Variants in RUNX1T1 observed in about 807,000 individuals in gnomAD.
RUNX1T1 encodes protein CBFA2T1.
RUNX1T1 carries 4 observed loss-of-function variants against 62.8 expected under a neutral mutation model. That is an observed-to-expected ratio of 0.06 (90% CI 0.03 to 0.15). RUNX1T1 has a LOEUF of 0.15. Among genes scored for constraint, RUNX1T1 ranks in the 10% least tolerant of loss-of-function variants. The pLI is 1.00. For missense variants in RUNX1T1, 508 were observed against 754.3 expected (o/e 0.67, Z 3.82); for synonymous variants, 291 against 286.0 (o/e 1.02, Z -0.18).
intron 1 of RUNX1T1, 200 bp from the exon 3 acceptor site, chr8:92,017,563 C>A: frequency 6.9e-7 from 1 of 1,449,560 alleles, no homozygotes; most frequent in Non-Finnish European, 9.0e-7. Context: ...ATGGCAGGAC[C>A]TCATTTGTAA....
intron 8 of RUNX1T1, 102 bp downstream of exon 9, chr8:91,986,022 A>G (rs1242500431): frequency 1.2e-6 from 1 of 860,236 alleles, no homozygotes; most frequent in Non-Finnish European, 2.0e-6. Flanking sequence ...TTATTGTCTT[A>G]AAATTCCTTG....
intron 1 of RUNX1T1, among the ~76,000 whole-genome samples, chr8:92,032,087 C>T (rs1826350268): frequency 8.6e-6 from 1 of 116,210 alleles, no homozygotes. Flanking sequence ...AGCGAGAATC[C>T]TGTCTCAAAA....
intron 1 of RUNX1T1, among the ~76,000 whole-genome samples, chr8:92,045,378 T>C (rs2130244564): frequency 6.6e-6 from 1 of 152,266 alleles, no homozygotes; most frequent in South Asian, 2.1e-4. Context: ...CCATGATACA[T>C]TCCCAACTGT....
rs75092091 is a variant in RUNX1T1, at chr8:92,050,717, G to T, written c.7+11829C>A. Among the ~76,000 whole-genome samples, 1,469 of 152,136 alleles carry T rather than the reference G, an allele frequency of 9.7e-3. 22 individuals are homozygous for T. The highest frequency in any genetic ancestry group is 0.034 in the African/African-American group (1,399 of 41,484). ...TAAAGGCTCATCTCATTCTTTCCAG[G>T]GTTAGTTAGTGACTACTAAGTGCAA... On this transcript the variant is annotated intron_variant, in intron 1 of 10. Transcript: ENST00000396218.
At chr8:91,991,489 A>AG in intron 6 of RUNX1T1, 150 bp downstream of exon 7, 1 of 824,406 alleles carries the variant, frequency 1.2e-6, no homozygotes. Flanking sequence ...ATACCAATCA[A>AG]GTTTTTTTCA....
intron 2 of RUNX1T1, among the ~76,000 whole-genome samples, chr8:92,016,544 G>A (rs1014827470): frequency 6.6e-6 from 1 of 152,054 alleles, no homozygotes; most frequent in Admixed American, 6.6e-5. Context: ...GCTCAGTGGC[G>A]CATGACTGTA....
intron 2 of RUNX1T1, among the ~76,000 whole-genome samples, chr8:92,073,949 C>T (rs1211557681): frequency 6.6e-6 from 1 of 152,188 alleles, no homozygotes; most frequent in Non-Finnish European, 1.5e-5. Context: ...CCTCCTGCCT[C>T]AGCCCCTCAA....
At chr8:92,067,071 C>T (rs1238688528), upstream of RUNX1T1, among the ~76,000 whole-genome samples, 2 of 152,118 alleles carry the variant, frequency 1.3e-5, no homozygotes, top group Non-Finnish European at 2.9e-5. Flanking sequence ...GACATTATTG[C>T]CATCTTAAGA....
upstream of RUNX1T1, among the ~76,000 whole-genome samples, chr8:92,067,561 TTC>T (rs1374108748): frequency 6.6e-6 from 1 of 152,266 alleles, no homozygotes; most frequent in African/African-American, 2.4e-5. Context: ...CTCTATGATA[TTC>T]TTTTTTCCAT....
chr8:91,957,501 AT>A (rs3832564), downstream of RUNX1T1: 139,583 of 230,422 alleles, frequency 0.61, 44,354 homozygotes, highest in East Asian at 0.85. Flanking sequence ...AGAGTTAGGG[AT>A]TTTTTTTTGT....
intron 1 of RUNX1T1, among the ~76,000 whole-genome samples, chr8:92,058,815 G>T (rs1160644319): frequency 6.6e-6 from 1 of 152,068 alleles, no homozygotes; most frequent in Non-Finnish European, 1.5e-5. Context: ...AACATTTCTA[G>T]GCTATATAAT....
intron 1 of RUNX1T1, among the ~76,000 whole-genome samples, chr8:92,087,656 T>C (rs570248157): frequency 1.2e-4 from 18 of 152,154 alleles, no homozygotes; most frequent in Non-Finnish European, 2.5e-4. Context: ...TGTGTCTACA[T>C]CTAGCACACA....
At chr8:92,080,591 T>C (rs969473112) in intron 1 of RUNX1T1, among the ~76,000 whole-genome samples, 1 of 152,246 alleles carries the variant, frequency 6.6e-6, no homozygotes, top group Non-Finnish European at 1.5e-5. Context: ...TCAGCTGTTG[T>C]AGAAATGAGA....
chr8:92,052,514 A>G (rs1830392380), intron 1 of RUNX1T1, among the ~76,000 whole-genome samples: 1 of 152,220 alleles, frequency 6.6e-6, no homozygotes, highest in South Asian at 2.1e-4. Context: ...ATAAAAAGAA[A>G]AAATAAGATT....
intron 1 of RUNX1T1, among the ~76,000 whole-genome samples, chr8:92,055,316 CA>C (rs1161372001): frequency 1.4e-4 from 21 of 152,288 alleles, no homozygotes; most frequent in Admixed American, 1.3e-3. Context: ...ATGTCAACAA[CA>C]GGTAACTCTT....
At chr8:92,026,953 T>C (rs1054906231) in intron 1 of RUNX1T1, among the ~76,000 whole-genome samples, 4 of 142,620 alleles carry the variant, frequency 2.8e-5, no homozygotes, top group African/African-American at 1.0e-4. Context: ...CTGTCTCTAC[T>C]AAAAATACAA....
downstream of RUNX1T1, chr8:91,956,274 C>T (rs973505807): frequency 1.3e-5 from 3 of 231,914 alleles, no homozygotes; most frequent in African/African-American, 2.2e-5. Flanking sequence ...TCCTACTCCT[C>T]CTGCCTGAGA....
At position 92,075,986 on chromosome 8, in the gene RUNX1T1, CT is replaced by C; in HGVS notation, c.66del (p.Asn24ThrfsTer22). ...TTACCTTGACAATATTCAAAGTTCC[CT>C]TTTTTCCGGCAGTCACCTATTACTA... On this transcript the variant is annotated frameshift_variant, in exon 2 of 12. Transcript: ENST00000265814. LOFTEE classifies it high-confidence loss of function. The C allele has an allele frequency of 6.2e-7, 1 of 1,610,746 alleles. No individual in the cohort carries two copies. Among genetic ancestry groups the C allele is most frequent in the Non-Finnish European group, 8.5e-7 (1 of 1,178,960 alleles).
upstream of RUNX1T1, among the ~76,000 whole-genome samples, chr8:92,064,979 C>T (rs11991256): frequency 0.26 from 38,796 of 152,018 alleles, 5,668 homozygotes; most frequent in African/African-American, 0.4. Context: ...AGAAGTCTGA[C>T]TGCAGCGGGG....
Sources: gnomAD v4.1 joint callset for allele counts (sites outside exome capture counted in the v4.1 genomes callset) on GRCh38, gnomAD v4.1.1 for gene constraint, MANE v1.5 for transcripts, NCBI Gene and HGNC (gene_info 2026-07-23, HGNC 2026-07-21) for gene names.